The following NRG1 variants were observed in gnomAD, a reference collection of about 807,000 sequenced individuals.
NRG1 encodes pro-neuregulin-1, membrane-bound isoform.
A neutral mutation model predicts 63.8 loss-of-function variants in NRG1; 18 were observed. The ratio of observed to expected loss-of-function variants is 0.28; its 90% CI spans 0.19 to 0.42. The LOEUF is 0.42. Among genes scored for constraint, NRG1 ranks in the 10% least tolerant of loss-of-function variants. The probability of loss-of-function intolerance (pLI) is 1.00; values close to 1 mark genes in which losing one functional copy is unlikely to be tolerated. For synonymous variants in NRG1, 302 were observed against 301.3 expected (o/e 1.00, Z -0.02); for missense variants, 762 against 814.7 (o/e 0.94, Z 0.79).
chr8:32,094,237 C>A (rs1829587760), intron 1 of NRG1, among the ~76,000 whole-genome samples: 1 of 152,048 alleles, frequency 6.6e-6, no homozygotes, highest in South Asian at 2.1e-4. Flanking sequence ...CTTACGTAGC[C>A]CCTGAATTAA....
chr8:32,610,490 A>G (rs1473818264), intron 3 of NRG1, among the ~76,000 whole-genome samples: 1 of 152,180 alleles, frequency 6.6e-6, no homozygotes, highest in Non-Finnish European at 1.5e-5. Flanking sequence ...AATGAAACTC[A>G]TTGTTTAGAT....
At chr8:31,761,108 A>C (rs531773191) in intron 1 of NRG1, among the ~76,000 whole-genome samples, 1 of 152,318 alleles carries the variant, frequency 6.6e-6, no homozygotes, top group African/African-American at 2.4e-5. Context: ...TACACCATGG[A>C]ATACTATGCA....
intron 1 of NRG1, among the ~76,000 whole-genome samples, chr8:32,402,866 G>A (rs1663659635): frequency 6.6e-6 from 1 of 152,164 alleles, no homozygotes; most frequent in Non-Finnish European, 1.5e-5. Context: ...ACGGTTTCAG[G>A]CATCCACTGG....
chr8:31,936,737 C>G (rs949183475), intron 1 of NRG1, among the ~76,000 whole-genome samples: 2 of 152,156 alleles, frequency 1.3e-5, no homozygotes, highest in Non-Finnish European at 2.9e-5. Flanking sequence ...GTGTTCATCA[C>G]GTACAGAGTA....
At chr8:32,349,966 G>A (rs953495947) in intron 1 of NRG1, among the ~76,000 whole-genome samples, 1 of 152,202 alleles carries the variant, frequency 6.6e-6, no homozygotes, top group Non-Finnish European at 1.5e-5. Context: ...TTCTGCAGAA[G>A]TGTACTTGCA....
intron 1 of NRG1, among the ~76,000 whole-genome samples, chr8:32,506,088 A>G (rs12545379): frequency 0.17 from 25,868 of 152,024 alleles, 2,570 homozygotes; most frequent in Admixed American, 0.31. Flanking sequence ...TGTCTCTAAA[A>G]AAAATTTAAA....
chr8:32,580,649 C>T (rs1840471246), intron 1 of NRG1, among the ~76,000 whole-genome samples: 1 of 152,070 alleles, frequency 6.6e-6, no homozygotes, highest in African/African-American at 2.4e-5. Context: ...ATATGGGAGA[C>T]TAAGACTTGA....
chr8:31,790,986 G>A (rs370391744), intron 1 of NRG1, among the ~76,000 whole-genome samples: 24 of 152,132 alleles, frequency 1.6e-4, no homozygotes, highest in East Asian at 7.8e-4. Flanking sequence ...TGAGGTGGGC[G>A]GATCACTTGA....
In NRG1 at chr8:32,742,141, G is replaced by T; in HGVS notation, c.633-534G>T. ...ACAGCAACAATCACTACCACTTGGT[G>T]CTTTTACAGCTCAGTCGTAACTGAT... is the stretch of plus-strand genomic sequence containing the variant. On this transcript the variant is annotated intron_variant, in intron 6 of 11. Transcript: ENST00000356819. This position sits in a 1 kb window ranked among gnomAD's most constrained non-coding sequence, Gnocchi z 4.2. 7.9e-7 allele frequency: 1 copy of T among 1,259,622 alleles called. No individual in the cohort carries two copies. The allele number at this position is 1,259,622 out of a possible 1,614,324, so 78.0% of individuals were successfully genotyped here.
chr8:32,125,402 C>G (rs1356571475), intron 1 of NRG1, among the ~76,000 whole-genome samples: 1 of 151,896 alleles, frequency 6.6e-6, no homozygotes, highest in Non-Finnish European at 1.5e-5. Flanking sequence ...TTATCTTTCC[C>G]TGAGTCATTG....
At chr8:31,754,691 C>A (rs117988496) in intron 1 of NRG1, among the ~76,000 whole-genome samples, 1 of 152,100 alleles carries the variant, frequency 6.6e-6, no homozygotes, top group African/African-American at 2.4e-5. Flanking sequence ...AGCATTCCAT[C>A]TAAGCAGCTG....
intron 1 of NRG1, among the ~76,000 whole-genome samples, chr8:32,005,731 C>T (rs327340): frequency 2.0e-5 from 3 of 151,812 alleles, no homozygotes; most frequent in African/African-American, 4.8e-5. Context: ...AAACGTTCAG[C>T]GAGGTGAGTG....
chr8:32,596,556 C>G (rs951628076), intron 2 of NRG1, among the ~76,000 whole-genome samples: 1 of 150,046 alleles, frequency 6.7e-6, no homozygotes, highest in Admixed American at 6.7e-5. Context: ...GCCAAGAGCA[C>G]GCCACCGCAC....
intron 1 of NRG1, among the ~76,000 whole-genome samples, chr8:32,415,982 A>T (rs1181043170): frequency 6.6e-6 from 1 of 152,210 alleles, no homozygotes; most frequent in Non-Finnish European, 1.5e-5. Context: ...TAGGAAAAGG[A>T]TAGGAATGAC....
At chr8:32,072,933 G>A (rs1445679502) in intron 1 of NRG1, among the ~76,000 whole-genome samples, 2 of 151,984 alleles carry the variant, frequency 1.3e-5, no homozygotes, top group Non-Finnish European at 2.9e-5. Flanking sequence ...TGTGTGAAGG[G>A]GAATTTTGAA....
chr8:32,110,433 C>T (rs938894460), intron 1 of NRG1, among the ~76,000 whole-genome samples: 8 of 152,126 alleles, frequency 5.3e-5, no homozygotes, highest in Non-Finnish European at 1.2e-4. Context: ...GAAGAAAGAA[C>T]ACAGTGAGTA....
chr8:32,648,045 A>G, intron 5 of NRG1: 1 of 1,613,740 alleles, frequency 6.2e-7, no homozygotes, highest in African/African-American at 1.3e-5. Flanking sequence ...TGACTCTCCT[A>G]CTCACCTTGA....
intron 1 of NRG1, among the ~76,000 whole-genome samples, chr8:32,039,880 C>T (rs575490166): frequency 1.3e-5 from 2 of 151,984 alleles, no homozygotes; most frequent in African/African-American, 4.8e-5. Context: ...AAAAATTAGC[C>T]GGAAATGGTG....
intron 1 of NRG1, among the ~76,000 whole-genome samples, chr8:32,408,941 C>T (rs62500165): frequency 0.24 from 36,822 of 151,834 alleles, 4,871 homozygotes; most frequent in Middle Eastern, 0.35. Flanking sequence ...CCTCTATGTC[C>T]ATGTGTACTC....
Sources: gnomAD v4.1 joint callset for allele counts (sites outside exome capture counted in the v4.1 genomes callset) on GRCh38, gnomAD v4.1.1 for gene constraint, Gnocchi (gnomAD v3.1) non-coding constraint, MANE v1.5 for transcripts, NCBI Gene and HGNC (gene_info 2026-07-23, HGNC 2026-07-21) for gene names.